DOP1A: variants seen among roughly 807,000 people sequenced by gnomAD.
DOP1A encodes the protein protein DOP1A.
In DOP1A, 90 loss-of-function variants were observed where a neutral mutation model predicts 267.6. The ratio of observed to expected loss-of-function variants is 0.34; its 90% CI spans 0.28 to 0.40. DOP1A has a LOEUF of 0.40. Ranked by LOEUF, DOP1A falls within the 10% of genes least tolerant of loss-of-function variation. The pLI, the probability that DOP1A is intolerant of heterozygous loss-of-function variation, is 1.00. For missense variants in DOP1A, 2,437 were observed against 2,900.4 expected, an observed-to-expected ratio of 0.84 and a Z score of 3.67; for synonymous variants, 932 against 999.1, an observed-to-expected ratio of 0.93 and a Z score of 1.27.
rs1410387640 is a variant in DOP1A, at chr6:83,138,143, A to G, written c.4101A>G (p.Gln1367=). ...SPNFNIHPLY[Q]HVLLYLQLYD... ...ATTTCAACATTCATCCTCTCTATCA[A>G]CATGTGCTCCTGTATCTCCAGTTGT... is the stretch of plus-strand genomic sequence containing the variant. Residue 1367 remains glutamine, a synonymous_variant, in exon 21 of 39, where the codon CAA becomes CAG. Coordinates refer to ENST00000349129, the MANE Select transcript of DOP1A (RefSeq NM_015018.4). 2 of 1,613,964 alleles carry G rather than the reference A, an allele frequency of 1.2e-6. No homozygotes were observed. The highest frequency in any genetic ancestry group is 2.2e-5 in the East Asian group (1 of 44,862).
intron 4 of DOP1A, among the ~76,000 whole-genome samples, chr6:83,102,491 G>A (rs1772767227): frequency 6.6e-6 from 1 of 152,144 alleles, no homozygotes; most frequent in Non-Finnish European, 1.5e-5. Flanking sequence ...AATGCAATGG[G>A]CAACTTACAG....
In DOP1A at chr6:83,076,465, C is replaced by T. The variant is rs115620097; in HGVS notation, c.-147+8686C>T. On this transcript the variant is annotated intron_variant, in intron 1 of 38. Transcript: ENST00000349129. ...TGGACCTGGGAGGTTGAGCCAAGAT[C>T]GCACCACTGCACTCCCGCCTGGAGG... 5.4e-3 allele frequency among the ~76,000 whole-genome samples: 820 copies of T among 152,128 alleles called. 10 individuals are homozygous for T. Among genetic ancestry groups the T allele is most frequent in the African/African-American group, 0.019 (781 of 41,490 alleles).
At chr6:83,111,003 C>CT (rs34178081) in intron 6 of DOP1A, among the ~76,000 whole-genome samples, 7 of 151,806 alleles carry the variant, frequency 4.6e-5, no homozygotes, top group African/African-American at 1.7e-4. Flanking sequence ...TCCTCTATGC[C>CT]TTTTTTTTAG....
rs889419519 is a variant in DOP1A, at chr6:83,152,763, G to C, written c.6129+396G>C. On this transcript the variant is annotated intron_variant, in intron 30 of 38. Transcript: ENST00000349129. ...CTCCTAAGTAGTTGAGACTACGGGT[G>C]TGTGCCACAATGCCCAGCTAATTTT... Among the ~76,000 whole-genome samples, 12 of 151,728 alleles carry C rather than the reference G, an allele frequency of 7.9e-5. 1 individual carries two copies. The highest frequency in any genetic ancestry group is 3.9e-4 in the Admixed American group (6 of 15,228).
intron 6 of DOP1A, among the ~76,000 whole-genome samples, chr6:83,112,288 A>G (rs933773644): frequency 3.3e-5 from 5 of 152,088 alleles, no homozygotes; most frequent in Non-Finnish European, 5.9e-5. Flanking sequence ...ACATAAAGAG[A>G]TGATCAACAT....
At chr6:83,169,332 T>C (rs1031146568), downstream of DOP1A, 4 of 1,613,420 alleles carry the variant, frequency 2.5e-6, no homozygotes, top group Non-Finnish European at 2.5e-6. Flanking sequence ...TCCTGCAAAT[T>C]ACATTAAAAG....
intron 1 of DOP1A, among the ~76,000 whole-genome samples, chr6:83,085,562 T>C (rs576229486): frequency 6.6e-6 from 1 of 152,290 alleles, no homozygotes; most frequent in East Asian, 1.9e-4. Context: ...ATGTAGAGAA[T>C]AGCAAGAACA....
intron 1 of DOP1A, among the ~76,000 whole-genome samples, chr6:83,096,009 C>T (rs919144456): frequency 6.6e-6 from 1 of 152,144 alleles, no homozygotes; most frequent in African/African-American, 2.4e-5. Flanking sequence ...GTCTCTTCTA[C>T]CCTATTCTTT....
At chr6:83,082,789 CAT>C (rs1768357653) in intron 1 of DOP1A, among the ~76,000 whole-genome samples, 3 of 151,554 alleles carry the variant, frequency 2.0e-5, no homozygotes, top group South Asian at 4.2e-4. Context: ...AAATAAGCTA[CAT>C]GTCTCTTTTT....
chr6:83,134,560 A>G (rs1352010391), intron 19 of DOP1A: 1 of 315,592 alleles, frequency 3.2e-6, no homozygotes, highest in African/African-American at 2.2e-5. Context: ...GTGATAGAGC[A>G]ATGGATACAG....
At chr6:83,134,796 T>A (rs1031414262) in intron 19 of DOP1A, among the ~76,000 whole-genome samples, 2 of 152,150 alleles carry the variant, frequency 1.3e-5, no homozygotes, top group Admixed American at 1.3e-4. Flanking sequence ...AGATCTGCAT[T>A]AAATTCCAAG....
intron 25 of DOP1A, 126 bp downstream of exon 25, chr6:83,145,784 C>T: frequency 2.6e-6 from 2 of 774,212 alleles, no homozygotes; most frequent in East Asian, 2.8e-5. Context: ...TGCATGTGGC[C>T]CTCACACTGC....
At chr6:83,123,720 C>G (rs568428875) in intron 12 of DOP1A, among the ~76,000 whole-genome samples, 3 of 152,176 alleles carry the variant, frequency 2.0e-5, no homozygotes, top group African/African-American at 7.2e-5. Flanking sequence ...CAGTCCCTGT[C>G]TTCAAAGATC....
chr6:83,145,341 G>T (rs528787212), intron 24 of DOP1A, among the ~76,000 whole-genome samples, 183 bp from the exon 25 acceptor site: 25 of 134,938 alleles, frequency 1.9e-4, no homozygotes, highest in African/African-American at 6.8e-4. Flanking sequence ...TAGCACTTTG[G>T]GGGGCTAAGG....
downstream of DOP1A, chr6:83,168,584 G>T: frequency 2.0e-6 from 2 of 997,416 alleles, no homozygotes; most frequent in Non-Finnish European, 1.2e-6. Flanking sequence ...GCTGGGAAAC[G>T]TATTATAATT....
chr6:83,113,532 G>A, intron 7 of DOP1A, 111 bp downstream of exon 7: 1 of 788,984 alleles, frequency 1.3e-6, no homozygotes, highest in Non-Finnish European at 2.0e-6. Flanking sequence ...GTATAAATCA[G>A]TAAGCGCATG....
chr6:83,069,079 TTAAAG>T (rs1159043330), intron 1 of DOP1A, among the ~76,000 whole-genome samples: 4 of 152,290 alleles, frequency 2.6e-5, no homozygotes, highest in Admixed American at 6.5e-5. Context: ...TATTTTGTAG[TTAAAG>T]TAAAGGAGTG....
intron 3 of DOP1A, among the ~76,000 whole-genome samples, chr6:83,098,784 G>T (rs1384903988): frequency 6.6e-6 from 1 of 152,118 alleles, no homozygotes; most frequent in African/African-American, 2.4e-5. Context: ...CATTGGATAG[G>T]CATGATTGAA....
In DOP1A at chr6:83,123,001, C is replaced by T. The variant is rs1776588799; in HGVS notation, c.1340+19C>T. 6.4e-7 allele frequency: 1 copy of T among 1,570,586 alleles called. No individual in the cohort carries two copies. The highest frequency in any genetic ancestry group is 8.6e-7 in the Non-Finnish European group (1 of 1,165,862). Reference sequence around the variant, plus strand: ...GTTGTAGGTATGTTAAACTTTCATTCCTTTTAATTTCGTAACATCTAAAGC... The same window carrying T: ...GTTGTAGGTATGTTAAACTTTCATTTCTTTTAATTTCGTAACATCTAAAGC... On this transcript the variant is annotated intron_variant, in intron 12 of 38. Transcript: ENST00000349129.
Sources: gnomAD v4.1 joint callset for allele counts (sites outside exome capture counted in the v4.1 genomes callset) on GRCh38, gnomAD v4.1.1 for gene constraint, MANE v1.5 for transcripts, NCBI Gene and HGNC (gene_info 2026-07-23, HGNC 2026-07-21) for gene names.